The following MEPCE variants were observed in gnomAD, a reference collection of about 807,000 sequenced individuals.
MEPCE encodes methylphosphate capping enzyme, also known as 7SK snRNA methylphosphate capping enzyme.
Under a neutral mutation model 52.3 loss-of-function variants are expected in MEPCE, and 9 were observed. The ratio of observed to expected loss-of-function variants is 0.17; its 90% confidence interval spans 0.10 to 0.30. The LOEUF (loss-of-function observed/expected upper bound fraction) is 0.30. MEPCE is among the 10% of genes least tolerant of loss of function. The pLI is 1.00. For missense variants in MEPCE, 826 were observed against 933.0 expected, an observed-to-expected ratio of 0.89 and a Z score of 1.49; for synonymous variants, 477 against 401.6, an observed-to-expected ratio of 1.19 and a Z score of -2.25.
rs1360346922 is a variant in MEPCE at position 100,430,978 on chromosome 7, A to G, written c.960A>G (p.Thr320=). Residue 320 remains threonine (T), a synonymous_variant, in exon 1 of 4, where the codon ACA becomes ACG. Coordinates refer to ENST00000310512, the MANE Select transcript of MEPCE (RefSeq NM_019606.6). ...RDAPQPYELN[T]AINCRDEVVS... ...CCCCCCAACCCTATGAACTCAACAC[A>G]GCCATCAACTGCAGGGATGAAGTGG... 1 of 1,612,028 alleles carries G rather than the reference A, an allele frequency of 6.2e-7. No individual in the cohort carries two copies. The highest frequency in any genetic ancestry group is 1.7e-5 in the Admixed American group (1 of 59,926).
Position 100,430,705 on chromosome 7 carries a change from C to T in MEPCE, c.687C>T (p.Ile229=), listed in dbSNP as rs1157531252. The T allele has an allele frequency of 3.1e-6, 5 of 1,613,874 alleles. No homozygotes were observed. Among genetic ancestry groups the T allele is most frequent in the South Asian group, 2.2e-5 (2 of 91,088 alleles). ...CCAAAGGGCGAGATCCGGTGGAGAT[C>T]CTCATCCCCAAAGATATTACTGACC... The part of the protein sequence containing the change: ...LPAKGRDPVE[I]LIPKDITDPL... The change falls in exon 1 of 4, where the codon ATC becomes ATT. Residue 229 remains isoleucine, a synonymous_variant. Coordinates refer to ENST00000310512, the MANE Select transcript of MEPCE (RefSeq NM_019606.6).
Position 100,429,915 on chromosome 7 carries a change from C to A in MEPCE, c.-104C>A. 1 of 930,856 alleles carries A rather than the reference C, an allele frequency of 1.1e-6. No individual in the cohort carries two copies. 57.7% of individuals were successfully genotyped at this position (930,856 alleles called of 1,614,324 possible). Reference sequence around the variant, plus strand: ...AGACTAGGCGTGAAGAGCAGAGCTGCGCGCGCACTCGGGAAAGGGGGGAAG... The same window carrying A: ...AGACTAGGCGTGAAGAGCAGAGCTGAGCGCGCACTCGGGAAAGGGGGGAAG... On this transcript the variant is annotated 5_prime_UTR_variant, in exon 1 of 4. Transcript: ENST00000310512.
chr7:100,431,593 C>T lies in MEPCE; in HGVS notation c.1575C>T (p.Ala525=), dbSNP rs1798706424. 6.2e-7 allele frequency: 1 copy of T among 1,611,528 alleles called. No homozygotes were observed. Among genetic ancestry groups the T allele is most frequent in the Non-Finnish European group, 8.5e-7 (1 of 1,180,030 alleles). Residue 525 remains alanine, a synonymous_variant, in exon 1 of 4, where the codon GCC becomes GCT. Transcript: ENST00000310512. ...TTVRKRSCFP[A]SLTASRGPIA... Reference sequence around the variant, plus strand: ...TTCGAAAGAGGAGCTGCTTCCCAGCCTCGCTGACTGCCAGCCGGGGTCCCA... The same window carrying T: ...TTCGAAAGAGGAGCTGCTTCCCAGCTTCGCTGACTGCCAGCCGGGGTCCCA...
Position 100,433,550 on chromosome 7 carries a change from A to G in MEPCE, c.2066A>G (p.His689Arg), listed in dbSNP as rs140507850. The change falls in exon 4 of 4, where the codon CAC (histidine) becomes CGC (arginine). Residue 689 changes from histidine (H) to arginine (R), a missense_variant. Physicochemically the swap from His to Arg is conservative, Grantham distance 29. Around this residue, in one of 7 missense-constraint regions of MEPCE, gnomAD observed 82 missense variants for 121.4 expected, o/e 0.68. Transcript: ENST00000310512. ...TTCCACAAGGCCCGATCCCCCAGCC[A>G]CTAAGTGGCCCCCTAAACAGAAAGT... The part of the protein sequence containing the change: ...YLFHKARSPS[H>R] 1.6e-5 allele frequency: 26 copies of G among 1,612,514 alleles called. No homozygotes were observed. In the African/African-American group the frequency reaches 3.2e-4, roughly 20 times the overall value.
In MEPCE at chr7:100,431,072, A is replaced by G. The variant is rs1202941549; in HGVS notation, c.1054A>G (p.Ile352Val). 6 of 1,613,644 alleles carry G rather than the reference A, an allele frequency of 3.7e-6. No individual in the cohort carries two copies. Among genetic ancestry groups the G allele is most frequent in the East Asian group, 4.5e-5 (2 of 44,894 alleles). Residue 352 changes from isoleucine to valine, a missense_variant, in exon 1 of 4, where the codon ATC (isoleucine) becomes GTC (valine). Physicochemically the swap from Ile to Val is conservative, Grantham distance 29 (BLOSUM62 3). Coordinates refer to ENST00000310512, the MANE Select transcript of MEPCE (RefSeq NM_019606.6). ...SLSAPPAASV[I>V]SAPPSSSSRH... ...ATCAGCCCCTCCAGCTGCCTCAGTT[A>G]TCTCTGCACCCCCATCTTCCTCCTC...
intron 3 of MEPCE, 39 bp downstream of exon 3, chr7:100,433,428 C>G (rs765647931): frequency 6.2e-7 from 1 of 1,614,100 alleles, no homozygotes; most frequent in Non-Finnish European, 8.5e-7. Context: ...CTGGTCCTGG[C>G]TGAAAGAGTG....
In MEPCE at chr7:100,431,273, T is replaced by C; in HGVS notation, c.1255T>C (p.Cys419Arg). 2 of 1,614,098 alleles carry C rather than the reference T, an allele frequency of 1.2e-6. No individual in the cohort carries two copies. Among genetic ancestry groups the C allele is most frequent in the Non-Finnish European group, 1.7e-6 (2 of 1,180,032 alleles). Residue 419 changes from cysteine (C) to arginine (R), a missense_variant, in exon 1 of 4, where the codon TGC (cysteine) becomes CGC (arginine). Cys to Arg is a radical substitution (Grantham distance 180). This residue lies in a region of MEPCE where 307 missense variants were observed against 292.1 expected (regional missense o/e 1.05). Coordinates refer to ENST00000310512, the MANE Select transcript of MEPCE (RefSeq NM_019606.6). ...QQRKFQYGNY[C>R]KYYGYRNPSC... ...GCGCAAGTTCCAGTATGGGAATTAT[T>C]GCAAATACTATGGGTACCGCAATCC... is the stretch of plus-strand genomic sequence containing the variant.
chr7:100,429,962 G>A lies in MEPCE; in HGVS notation c.-57G>A. On this transcript the variant is annotated 5_prime_UTR_variant, in exon 1 of 4. Coordinates refer to ENST00000310512, the MANE Select transcript of MEPCE (RefSeq NM_019606.6). The stretch of plus-strand genomic sequence containing the variant: ...GAAGGGAGCAGGGTCCAGGCAGGGG[G>A]GGTTAGGCCCCCTGATCCCCCTCGT... 1 of 1,190,628 alleles carries A rather than the reference G, an allele frequency of 8.4e-7. No homozygotes were observed. The highest frequency in any genetic ancestry group is 3.2e-5 in the East Asian group (1 of 31,474). 73.8% of individuals were successfully genotyped at this position (1,190,628 alleles called of 1,614,324 possible).
rs764366717 is a variant in MEPCE at position 100,431,680 on chromosome 7, C to T, written c.1662C>T (p.Val554=). 1.9e-6 allele frequency: 3 copies of T among 1,590,364 alleles called. No individual in the cohort carries two copies. The South Asian group carries it at 3.3e-5, about 18-fold the overall frequency. Residue 554 remains valine (V), a synonymous_variant, in exon 1 of 4, where the codon GTC becomes GTT. Coordinates refer to ENST00000310512, the MANE Select transcript of MEPCE (RefSeq NM_019606.6). ...ADTSVFPNNV[V]FVTGNYVLDR... is the part of the protein sequence containing the mutation. The stretch of plus-strand genomic sequence containing the variant: ...CATCAGTCTTCCCCAACAATGTTGT[C>T]TTCGTCACGGTAAGAGGGTCCAGAG...
upstream of MEPCE, chr7:100,429,661 C>G: frequency 4.6e-6 from 1 of 219,352 alleles, no homozygotes. Context: ...TAAGTTGGTT[C>G]GTAGTCTGAT....
chr7:100,433,037 A>G lies in MEPCE; in HGVS notation c.1790A>G (p.Lys597Arg). The change falls in exon 2 of 4, where the codon AAG (lysine) becomes AGG (arginine). Residue 597 changes from lysine (K) to arginine (R), a missense_variant. This residue lies in a region of MEPCE where 82 missense variants were observed against 121.4 expected (regional missense o/e 0.68). Coordinates refer to ENST00000310512, the MANE Select transcript of MEPCE (RefSeq NM_019606.6). ...VHLNWGDEGLKRMFRRIYRHL... is the reference protein window; with the variant it reads ...VHLNWGDEGLRRMFRRIYRHL... Reference sequence around the variant, plus strand: ...CTGAACTGGGGAGACGAGGGCCTGAAGCGCATGTTTCGCCGGATCTACCGG... The same window carrying G: ...CTGAACTGGGGAGACGAGGGCCTGAGGCGCATGTTTCGCCGGATCTACCGG... The G allele has an allele frequency of 6.2e-7, 1 of 1,614,022 alleles. No individual in the cohort carries two copies. Among genetic ancestry groups the G allele is most frequent in the Non-Finnish European group, 8.5e-7 (1 of 1,180,024 alleles).
In MEPCE at chr7:100,431,452, G is replaced by C. The variant is rs1230155997; in HGVS notation, c.1434G>C (p.Arg478=). 37 of 1,613,894 alleles carry C rather than the reference G, an allele frequency of 2.3e-5. No homozygotes were observed. Among genetic ancestry groups the C allele is most frequent in the Non-Finnish European group, 3.0e-5 (35 of 1,180,032 alleles). Residue 478 remains arginine, a synonymous_variant, in exon 1 of 4, where the codon CGG becomes CGC. Transcript: ENST00000310512. ...TGGTGGGCCTGGATATCGATTCCCG[G>C]CTCATCCATTCTGCCCGCCAAAACA... is the stretch of plus-strand genomic sequence containing the variant. The part of the protein sequence containing the change: ...SRMVGLDIDS[R]LIHSARQNIR...
At position 100,430,255 on chromosome 7, in the gene MEPCE, TC is replaced by T; in HGVS notation, c.241del (p.Gln81ArgfsTer75). 7.3e-7 allele frequency: 1 copy of T among 1,363,580 alleles called. No homozygotes were observed. Among genetic ancestry groups the T allele is most frequent in the Non-Finnish European group, 9.4e-7 (1 of 1,063,446 alleles). The allele number at this position is 1,363,580 out of a possible 1,614,324, so 84.5% of individuals were successfully genotyped here. ...PGAAATSSSGPQAQQHRGGGP... is the reference protein window; with the variant it reads ...PGAAATSSSGXQAQQHRGGGP... ...GGGCCGCGGCCACCTCCTCCAGTGG[TC>T]CCCAGGCGCAGCAGCACCGAGGGGG... On this transcript the variant is annotated frameshift_variant, in exon 1 of 4. Coordinates refer to ENST00000310512, the MANE Select transcript of MEPCE (RefSeq NM_019606.6). LOFTEE classifies it high-confidence loss of function.
intron 1 of MEPCE, among the ~76,000 whole-genome samples, chr7:100,432,090 G>A (rs965212961): frequency 3.9e-5 from 6 of 152,220 alleles, no homozygotes; most frequent in African/African-American, 1.4e-4. Context: ...TGTCTTCTAG[G>A]GAGGAGATTA....
In MEPCE at chr7:100,431,088, C is replaced by G. The variant is rs367969459; in HGVS notation, c.1070C>G (p.Ser357Cys). 1 of 1,613,846 alleles carries G rather than the reference C, an allele frequency of 6.2e-7. No homozygotes were observed. Among genetic ancestry groups the G allele is most frequent in the Admixed American group, 1.7e-5 (1 of 60,022 alleles). The change falls in exon 1 of 4, where the codon TCT becomes TGT. Residue 357 changes from serine (S) to cysteine (C), a missense_variant. Transcript: ENST00000310512. ...PAASVISAPP[S>C]SSSRHRKRRR... ...GCCTCAGTTATCTCTGCACCCCCAT[C>G]TTCCTCCTCCCGACATCGCAAACGT...
Position 100,430,996 on chromosome 7 carries a change from T to A in MEPCE, c.978T>A (p.Asp326Glu). The A allele has an allele frequency of 1.9e-6, 3 of 1,613,444 alleles. No homozygotes were observed. The highest frequency in any genetic ancestry group is 2.5e-6 in the Non-Finnish European group (3 of 1,179,712). ...TCAACACAGCCATCAACTGCAGGGA[T>A]GAAGTGGTGTCTCCCCTTCCATCTG... Reference protein sequence around the residue: ...YELNTAINCRDEVVSPLPSAL... With the variant: ...YELNTAINCREEVVSPLPSAL... The change falls in exon 1 of 4, where the codon GAT becomes GAA. Residue 326 changes from aspartate (D) to glutamate (E), a missense_variant. This residue lies in a region of MEPCE where 307 missense variants were observed against 292.1 expected (regional missense o/e 1.05). Coordinates refer to ENST00000310512, the MANE Select transcript of MEPCE (RefSeq NM_019606.6).
rs202198941 is a variant in MEPCE at position 100,433,061 on chromosome 7, G to A, written c.1814G>A (p.Arg605Gln). ...AAGCGCATGTTTCGCCGGATCTACC[G>A]GCACCTACGCCCTGGGGGCATCCTG... Reference protein sequence around the residue: ...GLKRMFRRIYRHLRPGGILVL... With the variant: ...GLKRMFRRIYQHLRPGGILVL... Residue 605 changes from arginine to glutamine, a missense_variant, in exon 2 of 4, where the codon CGG becomes CAG. By Grantham distance (43) the Arg-to-Gln change is conservative. Around this residue, in one of 7 missense-constraint regions of MEPCE, gnomAD observed 82 missense variants for 121.4 expected, o/e 0.68. Coordinates refer to ENST00000310512, the MANE Select transcript of MEPCE (RefSeq NM_019606.6). 248 of 1,614,044 alleles carry A rather than the reference G, an allele frequency of 1.5e-4. 1 individual carries two copies. Among genetic ancestry groups the A allele is most frequent in the South Asian group, 1.0e-3 (92 of 91,086 alleles).
At position 100,431,624 on chromosome 7, in the gene MEPCE, GC is replaced by G; in HGVS notation, c.1612del (p.Gln538LysfsTer52). The part of the protein sequence containing the change: ...SLTASRGPIA[A>X]PQVPLDGADT... ...GACTGCCAGCCGGGGTCCCATCGCT[GC>G]CCCCCAAGTGCCCTTGGATGGAGCG... On this transcript the variant is annotated frameshift_variant, in exon 1 of 4. Transcript: ENST00000310512. LOFTEE classifies it high-confidence loss of function. 1 of 1,608,228 alleles carries G rather than the reference GC, an allele frequency of 6.2e-7. No homozygotes were observed.
At position 100,433,497 on chromosome 7, in the gene MEPCE, C is replaced by A; in HGVS notation, c.2018-5C>A. On this transcript the variant is annotated splice_polypyrimidine_tract_variant and splice_region_variant and intron_variant, in intron 3 of 3. Transcript: ENST00000310512. The stretch of plus-strand genomic sequence containing the variant: ...ACCCCTTCTGATCACTCTCTCTCCC[C>A]TCAGGCTTCCAGCGTCCTGTGTACC... 6.2e-7 allele frequency: 1 copy of A among 1,614,078 alleles called. No individual in the cohort carries two copies. The highest frequency in any genetic ancestry group is 8.5e-7 in the Non-Finnish European group (1 of 1,180,020).
Sources: allele counts gnomAD v4.1 joint callset (sites outside exome capture counted in the v4.1 genomes callset), GRCh38; gene constraint gnomAD v4.1.1; regional missense constraint gnomAD v4.1.1; transcripts MANE v1.5; gene names NCBI Gene and HGNC (gene_info 2026-07-23, HGNC 2026-07-21).